Variants in BRWD3 observed in about 807,000 individuals in gnomAD.
The protein encoded by BRWD3 is bromodomain and WD repeat domain containing 3.
In BRWD3, 10 loss-of-function variants were observed where a neutral mutation model predicts 149.7. The observed-to-expected ratio is 0.07, with a 90% CI of 0.04 to 0.11. The LOEUF is 0.11. Ranked by LOEUF, BRWD3 falls within the 10% of genes least tolerant of loss-of-function variation. The probability of loss-of-function intolerance (pLI) is 1.00; values close to 1 mark genes in which losing one functional copy is unlikely to be tolerated. For missense variants in BRWD3, 940 were observed against 1,373.2 expected (o/e 0.68, Z 4.99); for synonymous variants, 504 against 456.7 (o/e 1.10, Z -1.32).
intron 20 of BRWD3, chrX:80,710,775 T>C: frequency 2.3e-6 from 1 of 436,719 alleles, no homozygotes; most frequent in Non-Finnish European, 4.2e-6. Context: ...CTGATGATAC[T>C]AATCATCAGT....
intron 6 of BRWD3, among the ~76,000 whole-genome samples, chrX:80,766,703 G>T (rs368072599): frequency 8.9e-6 from 1 of 111,984 alleles, no homozygotes; most frequent in East Asian, 2.8e-4. Flanking sequence ...CGATGCAGAA[G>T]ATGGGTGATT....
chrX:80,766,361 C>A (rs1047491532), intron 6 of BRWD3, among the ~76,000 whole-genome samples: 3 of 110,901 alleles, frequency 2.7e-5, no homozygotes, highest in Non-Finnish European at 5.7e-5. Context: ...GACTTCTCAG[C>A]CTCCATAATC....
intron 17 of BRWD3, among the ~76,000 whole-genome samples, chrX:80,722,021 A>AT (rs990670798): frequency 1.8e-5 from 2 of 111,278 alleles, no homozygotes; most frequent in East Asian, 2.8e-4. Context: ...TAATTTTTGC[A>AT]TTTTTTAGTA....
At position 80,704,859 on chromosome X, in the gene BRWD3, C is replaced by T. The variant is rs2072839047; in HGVS notation, c.2553-13G>A. On this transcript the variant is annotated splice_polypyrimidine_tract_variant and intron_variant, in intron 22 of 40. Transcript: ENST00000373275. ...ACTTGATGAGTCACTGTAAATAAAT[C>T]AAAATTATGGATACCTAAGTATAGA... The T allele has an allele frequency of 8.4e-7, 1 of 1,186,306 alleles. No individual in the cohort carries two copies. The highest frequency in any genetic ancestry group is 1.1e-6 in the Non-Finnish European group (1 of 874,201).
At chrX:80,794,414 AG>A (rs1190908876) in intron 4 of BRWD3, among the ~76,000 whole-genome samples, 3 of 109,278 alleles carry the variant, frequency 2.7e-5, no homozygotes, top group Non-Finnish European at 5.7e-5. Flanking sequence ...CTGAGGTGAA[AG>A]GATCACTTGA....
intron 4 of BRWD3, among the ~76,000 whole-genome samples, chrX:80,807,293 A>ATTTTT (rs2074357241): frequency 8.9e-6 from 1 of 111,738 alleles, no homozygotes; most frequent in Non-Finnish European, 1.9e-5. Context: ...CAATTATACC[A>ATTTTT]TTTTCTGTGA....
At chrX:80,713,681 G>T (rs867272025) in intron 20 of BRWD3, among the ~76,000 whole-genome samples, 57 of 109,441 alleles carry the variant, frequency 5.2e-4, no homozygotes, top group South Asian at 4.4e-3. Flanking sequence ...ACCCAAGAAT[G>T]ATCAATAAAA....
intron 15 of BRWD3, among the ~76,000 whole-genome samples, chrX:80,724,445 G>A (rs936040902): frequency 9.0e-6 from 1 of 111,146 alleles, no homozygotes; most frequent in African/African-American, 3.3e-5. Flanking sequence ...ACCATAGAAG[G>A]GTGTTCTGAG....
chrX:80,687,102 A>G (rs1479399809), intron 34 of BRWD3, 99 bp from the exon 35 acceptor site: 118 of 5,713 alleles, frequency 0.021, 1 homozygote, highest in African/African-American at 0.059. Flanking sequence ...GTATGTGTGT[A>G]TATATATATA....
chrX:80,712,542 C>T (rs769797224), intron 20 of BRWD3, among the ~76,000 whole-genome samples: 2 of 111,070 alleles, frequency 1.8e-5, no homozygotes, highest in Non-Finnish European at 3.8e-5. Context: ...CCCAAAGTGC[C>T]GAGATTGCAG....
At chrX:80,764,020 A>G (rs748577922) in intron 6 of BRWD3, among the ~76,000 whole-genome samples, 32 of 112,226 alleles carry the variant, frequency 2.9e-4, no homozygotes, top group Non-Finnish European at 4.7e-4. Flanking sequence ...AGATAAACAC[A>G]CAAATCAATG....
chrX:80,802,385 T>G (rs2074307107), intron 4 of BRWD3, among the ~76,000 whole-genome samples: 1 of 94,413 alleles, frequency 1.1e-5, no homozygotes, highest in Admixed American at 1.4e-4. Context: ...GAGGTTGCAG[T>G]GAGCCAAGAT....
At position 80,681,386 on chromosome X, in the gene BRWD3, C is replaced by T; in HGVS notation, c.4609G>A (p.Gly1537Arg). ...YSRSGNSHDP[G>R]KAKSFRNRVL... ...CTATTCCGAAATGATTTGGCTTTCC[C>T]TGGGTCATGGCTATTTCCACTTCGG... is the stretch of plus-strand genomic sequence containing the variant. The change falls in exon 40 of 41, where the codon GGG (glycine) becomes AGG (arginine). Residue 1537 changes from glycine (G) to arginine (R), a missense_variant. This residue lies in a region of BRWD3 where 349 missense variants were observed against 419.6 expected (regional missense o/e 0.83). Coordinates refer to ENST00000373275, the MANE Select transcript of BRWD3 (RefSeq NM_153252.5). 1 of 1,210,819 alleles carries T rather than the reference C, an allele frequency of 8.3e-7. No individual in the cohort carries two copies. The highest frequency in any genetic ancestry group is 1.1e-6 in the Non-Finnish European group (1 of 895,041).
chrX:80,773,301 G>A (rs892318205), intron 6 of BRWD3, among the ~76,000 whole-genome samples: 6 of 110,984 alleles, frequency 5.4e-5, no homozygotes, highest in Non-Finnish European at 7.6e-5. Flanking sequence ...AACATCTCCC[G>A]GTGGGCAACC....
At chrX:80,748,235 A>G (rs2073620151) in intron 6 of BRWD3, among the ~76,000 whole-genome samples, 1 of 111,627 alleles carries the variant, frequency 9.0e-6, no homozygotes, top group Non-Finnish European at 1.9e-5. Context: ...TATTGAAATG[A>G]TCACACAGGT....
At chrX:80,702,765 G>C (rs2072808463) in intron 24 of BRWD3, among the ~76,000 whole-genome samples, 2 of 111,536 alleles carry the variant, frequency 1.8e-5, no homozygotes, top group Non-Finnish European at 3.8e-5. Context: ...AAAATGTTTA[G>C]AGCCTACTTG....
chrX:80,682,672 T>A (rs769802300), intron 37 of BRWD3, 44 bp from the exon 38 acceptor site: 17 of 1,131,498 alleles, frequency 1.5e-5, no homozygotes, highest in Middle Eastern at 2.6e-4. Context: ...TTTTATATTT[T>A]AAAAAAAGGT....
rs771850069 is a variant in BRWD3, at chrX:80,716,157, C to A, written c.2325G>T (p.Arg775Ser). 8.5e-7 allele frequency: 1 copy of A among 1,179,727 alleles called. No individual in the cohort carries two copies. ...CAAAGTATTGTAAAACTATACTTAC[C>A]CTTTGAGTAGTGTAAGATGGCTTTT... ...KKKKPSYTTQ[R>S]NDYEPSCGRS... The change falls in exon 20 of 41, where the codon AGG (arginine) becomes AGT (serine). Residue 775 changes from arginine (R) to serine (S), a missense_variant and splice_region_variant. Physicochemically the swap from Arg to Ser is moderately radical, Grantham distance 110. Transcript: ENST00000373275.
At chrX:80,800,407 C>T (rs2074280325) in intron 4 of BRWD3, among the ~76,000 whole-genome samples, 1 of 106,657 alleles carries the variant, frequency 9.4e-6, no homozygotes. Flanking sequence ...CCAGACATGA[C>T]GGTGCATGCC....
Sources: allele counts gnomAD v4.1 joint callset (sites outside exome capture counted in the v4.1 genomes callset), GRCh38; gene constraint gnomAD v4.1.1; regional missense constraint gnomAD v4.1.1; transcripts MANE v1.5; gene names NCBI Gene and HGNC (gene_info 2026-07-23, HGNC 2026-07-21).